Variants in RBMS3 observed in about 807,000 individuals in gnomAD.
RBMS3 encodes the protein RNA binding motif single stranded interacting protein 3.
A neutral mutation model predicts 66.8 loss-of-function variants in RBMS3; 27 were observed. The ratio of observed to expected loss-of-function variants is 0.40; its 90% CI spans 0.30 to 0.56. RBMS3 has a LOEUF of 0.56. Ranked by LOEUF, RBMS3 falls within the 20% of genes least tolerant of loss-of-function variation. RBMS3 has a pLI of 0.40. For missense variants in RBMS3, 513 were observed against 549.5 expected (o/e 0.93, Z 0.66); for synonymous variants, 188 against 183.0 (o/e 1.03, Z -0.22).
chr3:29,363,512 G>A (rs1437632167), intron 1 of RBMS3, among the ~76,000 whole-genome samples: 3 of 152,102 alleles, frequency 2.0e-5, no homozygotes, highest in Admixed American at 6.5e-5. Context: ...ACTATTTGCC[G>A]GGCGTGGTGG....
At chr3:29,787,162 T>C (rs530245752) in intron 6 of RBMS3, among the ~76,000 whole-genome samples, 45 of 151,250 alleles carry the variant, frequency 3.0e-4, no homozygotes, top group Non-Finnish European at 4.4e-4. Flanking sequence ...ATGGCCATAA[T>C]CAAAAACATA....
At chr3:30,000,534 A>C (rs1699549617) in intron 14 of RBMS3, among the ~76,000 whole-genome samples, 1 of 152,172 alleles carries the variant, frequency 6.6e-6, no homozygotes. Flanking sequence ...CAATCCCATT[A>C]CTGGGTATAT....
intron 14 of RBMS3, among the ~76,000 whole-genome samples, chr3:29,995,126 G>A (rs936850934): frequency 2.0e-5 from 3 of 152,218 alleles, no homozygotes; most frequent in Admixed American, 6.5e-5. Flanking sequence ...CGTGAAGAAT[G>A]CAGAAGCCTC....
intron 12 of RBMS3, among the ~76,000 whole-genome samples, chr3:29,956,462 G>A (rs543386334): frequency 1.4e-4 from 22 of 152,142 alleles, no homozygotes; most frequent in Admixed American, 1.1e-3. Flanking sequence ...CAAGGGCTCT[G>A]CCATTCCTTT....
intron 6 of RBMS3, among the ~76,000 whole-genome samples, chr3:29,831,379 T>G (rs2058366325): frequency 6.6e-6 from 1 of 152,152 alleles, no homozygotes; most frequent in Non-Finnish European, 1.5e-5. Context: ...TACCTCTCAG[T>G]GTTCTTGGCT....
chr3:30,000,523 G>C (rs914463366), intron 14 of RBMS3, among the ~76,000 whole-genome samples: 1 of 152,094 alleles, frequency 6.6e-6, no homozygotes, highest in African/African-American at 2.4e-5. Flanking sequence ...ATTTGACCCA[G>C]CAATCCCATT....
chr3:29,448,470 T>A (rs1017150714), intron 2 of RBMS3, among the ~76,000 whole-genome samples: 1 of 152,254 alleles, frequency 6.6e-6, no homozygotes, highest in Admixed American at 6.5e-5. Context: ...TGTGCGACTC[T>A]TCTTTCTCTA....
At chr3:29,358,696 T>C (rs1415347347) in intron 1 of RBMS3, among the ~76,000 whole-genome samples, 3 of 152,184 alleles carry the variant, frequency 2.0e-5, no homozygotes, top group African/African-American at 2.4e-5. Context: ...TGTTCTTCCA[T>C]TTTTTTGTGT....
intron 10 of RBMS3, among the ~76,000 whole-genome samples, chr3:29,921,508 G>A (rs189162789): frequency 7.8e-6 from 1 of 127,916 alleles, no homozygotes; most frequent in Non-Finnish European, 1.6e-5. Flanking sequence ...GGGGTGGGGG[G>A]GCTGGGGGTG....
intron 11 of RBMS3, among the ~76,000 whole-genome samples, chr3:29,940,183 A>G (rs1418921908): frequency 6.6e-6 from 1 of 151,878 alleles, no homozygotes; most frequent in Non-Finnish European, 1.5e-5. Context: ...CTCATTTGAT[A>G]AACTGTAATA....
chr3:29,766,551 C>G (rs1418065081), intron 6 of RBMS3: 1 of 151,914 alleles, frequency 6.6e-6, no homozygotes, highest in African/African-American at 2.4e-5. Flanking sequence ...TGGAAGAGAA[C>G]TTTACAGATA....
Position 29,567,020 on chromosome 3 carries a change from T to C in RBMS3, c.308-20094T>C, listed in dbSNP as rs972518318. ...AACCTTTCTTTCTATCATCATGGCA[T>C]GTACTGTTCATGTGTTATAGGTTTT... On this transcript the variant is annotated intron_variant, in intron 3 of 14. Transcript: ENST00000383767. Among the ~76,000 whole-genome samples, 7 of 152,200 alleles carry C rather than the reference T, an allele frequency of 4.6e-5. No homozygotes were observed. In the South Asian group the frequency reaches 1.4e-3, roughly 31 times the overall value.
At chr3:29,770,115 A>G (rs1559652533) in intron 6 of RBMS3, among the ~76,000 whole-genome samples, 1 of 151,922 alleles carries the variant, frequency 6.6e-6, no homozygotes. Flanking sequence ...TGGCATGGCA[A>G]ATGGTCTTGC....
chr3:29,964,718 A>C (rs1054518346), intron 12 of RBMS3, among the ~76,000 whole-genome samples: 1 of 151,884 alleles, frequency 6.6e-6, no homozygotes, highest in Non-Finnish European at 1.5e-5. Context: ...TAATTTTCTT[A>C]ATTTTATTTT....
intron 4 of RBMS3, among the ~76,000 whole-genome samples, chr3:29,607,933 A>G (rs1039468586): frequency 1.3e-5 from 2 of 151,980 alleles, no homozygotes; most frequent in African/African-American, 4.8e-5. Flanking sequence ...TTTTGTGTAT[A>G]TTTTGCCTTT....
intron 4 of RBMS3, among the ~76,000 whole-genome samples, chr3:29,591,975 T>C (rs2047753513): frequency 1.3e-5 from 2 of 152,010 alleles, no homozygotes; most frequent in South Asian, 4.1e-4. Context: ...GGATGTCAAG[T>C]AGCTTGAAAG....
intron 3 of RBMS3, among the ~76,000 whole-genome samples, chr3:29,580,837 T>C (rs1220684647): frequency 6.6e-6 from 1 of 152,172 alleles, no homozygotes; most frequent in Non-Finnish European, 1.5e-5. Context: ...TAAACTGGAA[T>C]ATGAGGGGAC....
At chr3:29,411,886 C>T (rs2125685694) in intron 1 of RBMS3, among the ~76,000 whole-genome samples, 1 of 152,240 alleles carries the variant, frequency 6.6e-6, no homozygotes, top group African/African-American at 2.4e-5. Context: ...GAAAGAAACT[C>T]ATATGAATGC....
chr3:29,453,866 A>G (rs2042090947), intron 2 of RBMS3, among the ~76,000 whole-genome samples: 1 of 152,110 alleles, frequency 6.6e-6, no homozygotes, highest in Non-Finnish European at 1.5e-5. Context: ...TCTATTTTGC[A>G]CTGTTCTTTG....
Sources: allele counts gnomAD v4.1 joint callset (sites outside exome capture counted in the v4.1 genomes callset), GRCh38; gene constraint gnomAD v4.1.1; transcripts MANE v1.5; gene names NCBI Gene and HGNC (gene_info 2026-07-23, HGNC 2026-07-21).